The following COL4A3 variants were observed in gnomAD, a reference collection of about 807,000 sequenced individuals.
The protein encoded by COL4A3 is collagen alpha-3(IV) chain.
In COL4A3, 135 loss-of-function variants were observed where a neutral mutation model predicts 217.4. The observed-to-expected ratio is 0.62, with a 90% CI of 0.54 to 0.72. The LOEUF is 0.72. Ranked by LOEUF, COL4A3 falls within the 30% of genes least tolerant of loss-of-function variation. The pLI is 0.00. For synonymous variants in COL4A3, 690 were observed against 736.3 expected (o/e 0.94, Z 1.02); for missense variants, 1,868 against 2,119.9 (o/e 0.88, Z 2.33).
At chr2:227,197,906 G>A (rs561874306) in intron 1 of COL4A3, among the ~76,000 whole-genome samples, 40 of 152,330 alleles carry the variant, frequency 2.6e-4, no homozygotes, top group African/African-American at 9.1e-4. Flanking sequence ...CAAGGTTGGT[G>A]AGTGGTAGAA....
intron 6 of COL4A3, among the ~76,000 whole-genome samples, chr2:227,246,421 T>G (rs1356844942): frequency 6.6e-6 from 1 of 152,176 alleles, no homozygotes; most frequent in Non-Finnish European, 1.5e-5. Flanking sequence ...ATTACTCAAG[T>G]TTGAAGGAAA....
intron 1 of COL4A3, among the ~76,000 whole-genome samples, chr2:227,176,330 G>A (rs928786436): frequency 2.6e-5 from 4 of 151,980 alleles, no homozygotes; most frequent in Non-Finnish European, 4.4e-5. Flanking sequence ...TACCAGCGTC[G>A]GTATTGTATA....
chr2:227,290,998 C>G, intron 37 of COL4A3, 112 bp downstream of exon 37: 1 of 1,227,046 alleles, frequency 8.1e-7, no homozygotes, highest in Non-Finnish European at 1.2e-6. Context: ...TGTTACTATA[C>G]TTTCAGACAG....
intron 1 of COL4A3, among the ~76,000 whole-genome samples, chr2:227,177,807 A>G (rs72971854): frequency 0.17 from 26,349 of 152,144 alleles, 2,454 homozygotes; most frequent in Admixed American, 0.26. Context: ...CTCCCTGCCC[A>G]CAAGTCACTG....
Position 227,283,748 on chromosome 2 carries a change from T to C in COL4A3, c.2657-19T>C, listed in dbSNP as rs987311813. The C allele has an allele frequency of 1.2e-6, 2 of 1,604,460 alleles. No individual in the cohort carries two copies. The highest frequency in any genetic ancestry group is 1.3e-5 in the African/African-American group (1 of 74,722). ...ACTCTGTACAACACGTGCTGCTTTGTGTTAATTTGTTTCCATAGGTGAAGA... is the reference window on the plus strand; with the variant it reads ...ACTCTGTACAACACGTGCTGCTTTGCGTTAATTTGTTTCCATAGGTGAAGA... On this transcript the variant is annotated intron_variant, in intron 32 of 51. Coordinates refer to ENST00000396578, the MANE Select transcript of COL4A3 (RefSeq NM_000091.5).
chr2:227,311,380 C>CTTTTTTTTTTTTTTTTTTTTTTTT (rs11286889), intron 51 of COL4A3, among the ~76,000 whole-genome samples: 1 of 141,742 alleles, frequency 7.1e-6, no homozygotes. Context: ...AATTTCTCTC[C>CTTTTTTTTTTTTTTTTTTTTTTTT]TTTTTTTTTT....
chr2:227,216,068 A>T (rs2067517428), intron 1 of COL4A3, among the ~76,000 whole-genome samples: 1 of 151,478 alleles, frequency 6.6e-6, no homozygotes, highest in African/African-American at 2.4e-5. Context: ...TTTGGCAGGG[A>T]CTGGAGGGAG....
chr2:227,226,475 G>GTTTTT (rs35834157), intron 1 of COL4A3, among the ~76,000 whole-genome samples: 14,052 of 143,920 alleles, frequency 0.098, 831 homozygotes, highest in East Asian at 0.29. Flanking sequence ...TGTTAGGTTT[G>GTTTTT]TTTTTTTTTT....
intron 1 of COL4A3, among the ~76,000 whole-genome samples, chr2:227,184,733 T>A: frequency 6.6e-6 from 1 of 152,170 alleles, no homozygotes; most frequent in East Asian, 1.9e-4. Context: ...CAAAATTTGA[T>A]TATGCTTAAA....
At chr2:227,259,138 T>C (rs1399283497) in intron 18 of COL4A3, 2 of 152,196 alleles carry the variant, frequency 1.3e-5, no homozygotes, top group Non-Finnish European at 2.9e-5. Flanking sequence ...TATTTTCTTA[T>C]ATTCAATTCC....
chr2:227,278,415 C>G (rs1439241327), intron 28 of COL4A3, among the ~76,000 whole-genome samples: 1 of 152,130 alleles, frequency 6.6e-6, no homozygotes, highest in Non-Finnish European at 1.5e-5. Context: ...TTACAATATT[C>G]TTTAAAATGT....
rs1559881306 is a variant in COL4A3 at position 227,266,467 on chromosome 2, T to G, written c.1366T>G (p.Tyr456Asp). The change falls in exon 22 of 52, where the codon TAT (tyrosine) becomes GAT (aspartate). Residue 456 changes from tyrosine (Y) to aspartate (D), a missense_variant. Coordinates refer to ENST00000396578, the MANE Select transcript of COL4A3 (RefSeq NM_000091.5). ...ACCTGGAGATCACGGACTGCCAGGC[T>G]ATCTAGGGTCTCCAGGAATCCCAGG... ...GPPGDHGLPGYLGSPGIPGVD... is the reference protein window; with the variant it reads ...GPPGDHGLPGDLGSPGIPGVD... 2 of 1,614,106 alleles carry G rather than the reference T, an allele frequency of 1.2e-6. No homozygotes were observed. The highest frequency in any genetic ancestry group is 2.2e-5 in the South Asian group (2 of 91,078).
intron 1 of COL4A3, among the ~76,000 whole-genome samples, chr2:227,213,254 G>A (rs1434564835): frequency 6.6e-6 from 1 of 151,836 alleles, no homozygotes; most frequent in African/African-American, 2.4e-5. Flanking sequence ...ATCCAGAGAG[G>A]GTACTTAACC....
chr2:227,284,878 T>C (rs1273220082), intron 34 of COL4A3, among the ~76,000 whole-genome samples: 2 of 152,198 alleles, frequency 1.3e-5, no homozygotes, highest in Non-Finnish European at 2.9e-5. Context: ...ATGTGGCTAC[T>C]AGGCTAAAAT....
intron 1 of COL4A3, among the ~76,000 whole-genome samples, chr2:227,187,723 C>T (rs117319974): frequency 0.035 from 5,324 of 152,270 alleles, 156 homozygotes; most frequent in Admixed American, 0.079. Flanking sequence ...AGACAACCAA[C>T]GCATGTATGT....
intron 1 of COL4A3, among the ~76,000 whole-genome samples, chr2:227,168,883 C>A (rs10207553): frequency 7.3e-5 from 11 of 150,696 alleles, no homozygotes; most frequent in Non-Finnish European, 1.0e-4. Context: ...TCTTTTTTTT[C>A]TTTTTTTTAT....
At chr2:227,291,100 G>A (rs528451415) in intron 37 of COL4A3, 2 of 553,018 alleles carry the variant, frequency 3.6e-6, no homozygotes, top group Admixed American at 3.0e-5. Flanking sequence ...CAGTCACCAA[G>A]GAATTTCTCA....
Position 227,293,074 on chromosome 2 carries a change from C to T in COL4A3, c.3211-117C>T, listed in dbSNP as rs2072845634. 5 of 1,335,648 alleles carry T rather than the reference C, an allele frequency of 3.7e-6. No homozygotes were observed. The East Asian group carries it at 1.2e-4, about 32-fold the overall frequency. The allele number at this position is 1,335,648 out of a possible 1,614,324, so 82.7% of individuals were successfully genotyped here. On this transcript the variant is annotated intron_variant, in intron 37 of 51. Transcript: ENST00000396578. The stretch of plus-strand genomic sequence containing the variant: ...CACCTATCACAGTGCTGGCAGATAG[C>T]AGATACTAATATGAATTGATGAATG...
At chr2:227,216,799 G>C (rs1474029173) in intron 1 of COL4A3, among the ~76,000 whole-genome samples, 1 of 152,152 alleles carries the variant, frequency 6.6e-6, no homozygotes, top group Admixed American at 6.5e-5. Context: ...TTCAGGAAAG[G>C]AGGATTATGT....
Sources: allele counts gnomAD v4.1 joint callset (sites outside exome capture counted in the v4.1 genomes callset), GRCh38; gene constraint gnomAD v4.1.1; transcripts MANE v1.5; gene names NCBI Gene and HGNC (gene_info 2026-07-23, HGNC 2026-07-21).